VSNL1: variants seen among roughly 807,000 people sequenced by gnomAD.
VSNL1 encodes the protein visinin-like protein 1.
A neutral mutation model predicts 20.4 loss-of-function variants in VSNL1; 6 were observed. The ratio of observed to expected loss-of-function variants is 0.29; its 90% CI spans 0.16 to 0.58. The LOEUF is 0.58. Among genes scored for constraint, VSNL1 ranks in the 20% least tolerant of loss-of-function variants. The pLI, the probability that VSNL1 is intolerant of heterozygous loss-of-function variation, is 0.90. For missense variants in VSNL1, 100 were observed against 234.5 expected (o/e 0.43, Z 3.75); for synonymous variants, 93 against 86.4 (o/e 1.08, Z -0.42).
Position 17,592,230 on chromosome 2 carries a change from T to C in VSNL1, c.156T>C (p.Tyr52=), listed in dbSNP as rs1370861264. 1 of 1,613,622 alleles carries C rather than the reference T, an allele frequency of 6.2e-7. No homozygotes were observed. Among genetic ancestry groups the C allele is most frequent in the South Asian group, 1.1e-5 (1 of 91,052 alleles). The stretch of plus-strand genomic sequence containing the variant: ...ATCTCGAGGAATTTCAGCAGCTCTA[T>C]GTGAAGGTAAGTTGTTTTTCAACCT... ...RLNLEEFQQL[Y]VKFFPYGDAS... is the part of the protein sequence containing the mutation. Residue 52 remains tyrosine, a synonymous_variant, in exon 2 of 4, where the codon TAT becomes TAC. Transcript: ENST00000295156.
Position 17,573,128 on chromosome 2 carries a change from T to C in VSNL1, c.-5-18942T>C, listed in dbSNP as rs116416398. ...TCTTTTGACTCATTTGTTCATTCAT[T>C]TGGCCATTCGACAAGTGCGTACTAT... is the stretch of plus-strand genomic sequence containing the variant. On this transcript the variant is annotated intron_variant, in intron 1 of 3. Coordinates refer to ENST00000295156, the MANE Select transcript of VSNL1 (RefSeq NM_003385.5). Among the ~76,000 whole-genome samples the C allele has an allele frequency of 3.9e-3, 590 of 152,362 alleles. 2 individuals carry two copies. Among genetic ancestry groups the C allele is most frequent in the Middle Eastern group, 0.014 (4 of 294 alleles).
At chr2:17,556,514 C>T (rs1441978700) in intron 1 of VSNL1, among the ~76,000 whole-genome samples, 2 of 152,158 alleles carry the variant, frequency 1.3e-5, no homozygotes, top group African/African-American at 4.8e-5. Context: ...GCCTGTGAAA[C>T]AGAAACTGTT....
chr2:17,631,627 G>A (rs1244304721), intron 2 of VSNL1, among the ~76,000 whole-genome samples: 1 of 152,156 alleles, frequency 6.6e-6, no homozygotes, highest in African/African-American at 2.4e-5. Context: ...TAATAACAGT[G>A]AAGACGTTTT....
intron 1 of VSNL1, among the ~76,000 whole-genome samples, chr2:17,569,866 C>A (rs1424970951): frequency 6.6e-6 from 1 of 152,166 alleles, no homozygotes; most frequent in Admixed American, 6.5e-5. Context: ...ATTGCCAGAG[C>A]TCCATAATAG....
chr2:17,616,361 G>T (rs1665216972), intron 2 of VSNL1, among the ~76,000 whole-genome samples: 1 of 152,198 alleles, frequency 6.6e-6, no homozygotes, highest in Non-Finnish European at 1.5e-5. Context: ...GCTCCTGTCG[G>T]GCTCTCATAT....
chr2:17,655,514 A>G lies in VSNL1; in HGVS notation c.*120A>G, dbSNP rs1572228186. The G allele has an allele frequency of 1.1e-6, 1 of 904,854 alleles. No homozygotes were observed. The highest frequency in any genetic ancestry group is 2.5e-5 in the Admixed American group (1 of 39,896). The allele number at this position is 904,854 out of a possible 1,614,324, so 56.1% of individuals were successfully genotyped here. On this transcript the variant is annotated 3_prime_UTR_variant, in exon 4 of 4. Transcript: ENST00000295156. This position sits in a 1 kb window ranked among gnomAD's most constrained non-coding sequence, Gnocchi z 5.2. The stretch of plus-strand genomic sequence containing the variant: ...ACACACACACACAAATATTGCTTGG[A>G]CTACCTATAAATGGACTTGCTTCTT...
At chr2:17,643,289 T>C (rs1456267302) in intron 2 of VSNL1, among the ~76,000 whole-genome samples, 1 of 152,152 alleles carries the variant, frequency 6.6e-6, no homozygotes, top group Non-Finnish European at 1.5e-5. Context: ...TAAGGGAAAA[T>C]GTCTCTCGTC....
At position 17,655,583 on chromosome 2, in the gene VSNL1, A is replaced by C. The variant is rs1558314467; in HGVS notation, c.*189A>C. The C allele has an allele frequency of 3.5e-6, 2 of 578,022 alleles. No homozygotes were observed. The highest frequency in any genetic ancestry group is 3.7e-5 in the African/African-American group (2 of 53,538). The allele number at this position is 578,022 out of a possible 1,614,324, so 35.8% of individuals were successfully genotyped here. On this transcript the variant is annotated 3_prime_UTR_variant, in exon 4 of 4. Transcript: ENST00000295156. This position sits in a 1 kb window ranked among gnomAD's most constrained non-coding sequence, Gnocchi z 5.2. ...TGCATGAGAATGTCATTTGCTAATG[A>C]ATTTTAAAAGCATATATAAAACAAA...
chr2:17,575,116 C>T (rs2710676), intron 1 of VSNL1, among the ~76,000 whole-genome samples: 77,821 of 152,100 alleles, frequency 0.51, 22,754 homozygotes, highest in East Asian at 0.88. Flanking sequence ...GCATGAGCCA[C>T]CATGCCCAGC....
intron 1 of VSNL1, among the ~76,000 whole-genome samples, chr2:17,564,817 A>T (rs1663899437): frequency 6.6e-6 from 1 of 152,230 alleles, no homozygotes; most frequent in South Asian, 2.1e-4. Flanking sequence ...GTTGCAATGA[A>T]CAAAAAACTA....
chr2:17,552,440 C>T (rs1663565937), intron 1 of VSNL1, among the ~76,000 whole-genome samples: 2 of 152,106 alleles, frequency 1.3e-5, no homozygotes, highest in South Asian at 4.1e-4. Context: ...AACCAATCTA[C>T]ACACGTCTTT....
At chr2:17,576,641 G>A (rs140314255) in intron 1 of VSNL1, among the ~76,000 whole-genome samples, 17 of 152,158 alleles carry the variant, frequency 1.1e-4, no homozygotes, top group African/African-American at 4.1e-4. Context: ...TAAAAGACAC[G>A]TATGTTGAAT....
At chr2:17,653,569 C>A (rs1349294864) in intron 3 of VSNL1, among the ~76,000 whole-genome samples, 1 of 152,206 alleles carries the variant, frequency 6.6e-6, no homozygotes, top group East Asian at 1.9e-4. Context: ...AAGTCTGCCT[C>A]TTTTAGAGAC....
intron 1 of VSNL1, among the ~76,000 whole-genome samples, chr2:17,551,545 G>A (rs1360040320): frequency 6.6e-6 from 1 of 152,132 alleles, no homozygotes; most frequent in Admixed American, 6.5e-5. Context: ...GCTATACAAG[G>A]AATAATAAAA....
At chr2:17,540,968 CAACT>C (rs969861694) in intron 1 of VSNL1, 50 bp downstream of exon 1, 50 of 152,270 alleles carry the variant, frequency 3.3e-4, no homozygotes, top group African/African-American at 9.4e-4. Context: ...GTAGTGCAAC[CAACT>C]GTCAGAGAAA....
chr2:17,601,122 T>G (rs1469653266), intron 2 of VSNL1, among the ~76,000 whole-genome samples: 1 of 152,204 alleles, frequency 6.6e-6, no homozygotes, highest in Non-Finnish European at 1.5e-5. Flanking sequence ...TGTGGCATCC[T>G]GAAGGAATTG....
intron 1 of VSNL1, among the ~76,000 whole-genome samples, chr2:17,542,636 G>C (rs898965822): frequency 3.3e-5 from 5 of 152,018 alleles, no homozygotes; most frequent in African/African-American, 1.2e-4. Context: ...CTTACTCCAG[G>C]GCAGAAGGAC....
chr2:17,577,090 G>A (rs1664232258), intron 1 of VSNL1, among the ~76,000 whole-genome samples: 1 of 152,156 alleles, frequency 6.6e-6, no homozygotes, highest in African/African-American at 2.4e-5. Context: ...GTAGGCAATT[G>A]TAACACAATA....
chr2:17,575,626 C>T (rs1664191942), intron 1 of VSNL1, among the ~76,000 whole-genome samples: 1 of 152,040 alleles, frequency 6.6e-6, no homozygotes, highest in Non-Finnish European at 1.5e-5. Context: ...ACCTCCGCCT[C>T]CCAGGTTCAA....
Sources: gnomAD v4.1 joint callset for allele counts (sites outside exome capture counted in the v4.1 genomes callset) on GRCh38, gnomAD v4.1.1 for gene constraint, Gnocchi (gnomAD v3.1) non-coding constraint, MANE v1.5 for transcripts, NCBI Gene and HGNC (gene_info 2026-07-23, HGNC 2026-07-21) for gene names.